The following RP1L1 variants were observed in gnomAD, a reference collection of about 807,000 sequenced individuals.
RP1L1 encodes the protein retinitis pigmentosa 1-like 1 protein.
RP1L1 carries 27 observed loss-of-function variants against 15.7 expected under a neutral mutation model. That is an observed-to-expected ratio of 1.72 (90% CI 1.27 to 2.38). RP1L1 has a LOEUF of 2.38. Ranked by LOEUF, RP1L1 falls within the 30% of genes most tolerant of loss-of-function variation. The pLI, the probability that RP1L1 is intolerant of heterozygous loss-of-function variation, is 0.00. For synonymous variants in RP1L1, 1,813 were observed against 1,276.7 expected, an observed-to-expected ratio of 1.42 and a Z score of -8.96; for missense variants, 4,798 against 3,075.9, an observed-to-expected ratio of 1.56 and a Z score of -13.24.
At position 10,609,242 on chromosome 8, in the gene RP1L1, AAGGCCGAGAGGTTTCGC is replaced by A. The variant is rs772506415; in HGVS notation, c.4839_4855del (p.Arg1614LeufsTer2). The A allele has an allele frequency of 1.9e-6, 3 of 1,609,152 alleles. No individual in the cohort carries two copies. The highest frequency in any genetic ancestry group is 1.3e-5 in the African/African-American group (1 of 74,896). On this transcript the variant is annotated frameshift_variant, in exon 4 of 4. Coordinates refer to ENST00000382483, the MANE Select transcript of RP1L1 (RefSeq NM_178857.6). LOFTEE classifies it low-confidence loss of function (END_TRUNC). Reference sequence around the variant, plus strand: ...CCCCAGGCCCAGGGTCCGCTCAGAGAAGGCCGAGAGGTTTCGCAGGCCCCGGAGACGGTGTCTGCGCT... The same window carrying A: ...CCCCAGGCCCAGGGTCCGCTCAGAGAAGGCCCCGGAGACGGTGTCTGCGCT...
At position 10,612,681 on chromosome 8, in the gene RP1L1, G is replaced by T. The variant is rs1201636110; in HGVS notation, c.1417C>A (p.Pro473Thr). 2 of 1,602,716 alleles carry T rather than the reference G, an allele frequency of 1.2e-6. No individual in the cohort carries two copies. Among genetic ancestry groups the T allele is most frequent in the Non-Finnish European group, 8.5e-7 (1 of 1,178,112 alleles). ...EGSEPESSCC[P>T]RTPEDGVDSA... ...TCCACCCCGTCCTCCGGGGTCCTGG[G>T]GCAGCAGGAGGACTCTGGCTCCGAG... The change falls in exon 4 of 4, where the codon CCC (proline) becomes ACC (threonine). Residue 473 changes from proline (P) to threonine (T), a missense_variant. Coordinates refer to ENST00000382483, the MANE Select transcript of RP1L1 (RefSeq NM_178857.6).
intron 1 of RP1L1, among the ~76,000 whole-genome samples, chr8:10,645,057 T>C (rs1021323955): frequency 4.6e-5 from 7 of 152,242 alleles, no homozygotes; most frequent in African/African-American, 1.7e-4. Flanking sequence ...TTGGGCATGG[T>C]GGCTCATGCC....
At chr8:10,645,158 C>A (rs1384128560) in intron 1 of RP1L1, among the ~76,000 whole-genome samples, 1 of 152,066 alleles carries the variant, frequency 6.6e-6, no homozygotes, top group Admixed American at 6.6e-5. Flanking sequence ...CAGATCCCAT[C>A]TCTACAAAAA....
At chr8:10,617,399 C>CAAAAAAAAAAAAAAAAAAAAAA (rs369885056) in intron 2 of RP1L1, among the ~76,000 whole-genome samples, 1 of 83,018 alleles carries the variant, frequency 1.2e-5, no homozygotes, top group East Asian at 3.9e-4. Context: ...TGCTCATTAA[C>CAAAAAAAAAAAAAAAAAAAAAA]AAAAAAAAAA....
At chr8:10,642,416 C>G (rs1357692686) in intron 1 of RP1L1, among the ~76,000 whole-genome samples, 1 of 152,154 alleles carries the variant, frequency 6.6e-6, no homozygotes, top group African/African-American at 2.4e-5. Context: ...TTGCTAAAAC[C>G]CTTCCCCCCT....
At chr8:10,627,245 G>T (rs963863080) in intron 1 of RP1L1, among the ~76,000 whole-genome samples, 1 of 152,140 alleles carries the variant, frequency 6.6e-6, no homozygotes, top group African/African-American at 2.4e-5. Context: ...ACATTCATCC[G>T]CGGATGAACA....
Position 10,610,601 on chromosome 8 carries a change from T to G in RP1L1, c.3497A>C (p.Asp1166Ala), listed in dbSNP as rs767559083. The change falls in exon 4 of 4, where the codon GAC (aspartate) becomes GCC (alanine). Residue 1166 changes from aspartate (D) to alanine (A), a missense_variant. Transcript: ENST00000382483. ...CTCCCAGAGGCCTGAGTCCAGCTGG[T>G]CTTCCCCAACGTCACATCCTGGCCA... ...DLWPGCDVGEDQLDSGLWELT... is the reference protein window; with the variant it reads ...DLWPGCDVGEAQLDSGLWELT... The G allele has an allele frequency of 4.3e-6, 7 of 1,613,416 alleles. No homozygotes were observed. In the East Asian group the frequency reaches 1.6e-4, roughly 36 times the overall value.
intron 1 of RP1L1, among the ~76,000 whole-genome samples, chr8:10,636,469 G>C (rs981180752): frequency 3.9e-5 from 6 of 152,202 alleles, no homozygotes; most frequent in African/African-American, 9.6e-5. Flanking sequence ...TGGGGCTGTA[G>C]TGGGATTGAC....
chr8:10,633,556 G>C (rs1432889646), intron 1 of RP1L1, among the ~76,000 whole-genome samples: 1 of 152,190 alleles, frequency 6.6e-6, no homozygotes, highest in Non-Finnish European at 1.5e-5. Context: ...CTATGTGCTA[G>C]GCGCAGGGGA....
chr8:10,607,194 T>C lies in RP1L1; in HGVS notation c.6904A>G (p.Arg2302Gly). 1 of 1,614,216 alleles carries C rather than the reference T, an allele frequency of 6.2e-7. No homozygotes were observed. Among genetic ancestry groups the C allele is most frequent in the Non-Finnish European group, 8.5e-7 (1 of 1,180,022 alleles). Residue 2302 changes from arginine to glycine, a missense_variant, in exon 4 of 4, where the codon AGA becomes GGA. Coordinates refer to ENST00000382483, the MANE Select transcript of RP1L1 (RefSeq NM_178857.6). ...CAGCAGTTGCCCCAAGAGGATGCTC[T>C]GGAGGAGGAAGGGCCTGTTTGGGAG... ...PGSQTGPSSS[R>G]ASSWGNCWQK...
chr8:10,628,020 C>G (rs1798184785), intron 1 of RP1L1, among the ~76,000 whole-genome samples: 2 of 152,208 alleles, frequency 1.3e-5, no homozygotes, highest in Admixed American at 6.5e-5. Context: ...CATTTATAAT[C>G]CAGGAAAGAA....
chr8:10,608,210 G>T lies in RP1L1; in HGVS notation c.5888C>A (p.Ser1963Tyr). The change falls in exon 4 of 4, where the codon TCC becomes TAC. Residue 1963 changes from serine to tyrosine, a missense_variant. Coordinates refer to ENST00000382483, the MANE Select transcript of RP1L1 (RefSeq NM_178857.6). ...CTGGGCTTCCTCTTCTGCCTCCTGG[G>T]ACTCTATAACTTCTGACTCTGGCTG... ...QTQPESEVIE[S>Y]QEAEEEAQPE... The T allele has an allele frequency of 6.3e-7, 1 of 1,577,400 alleles. No individual in the cohort carries two copies.
rs748287645 is a variant in RP1L1, at chr8:10,610,705, G to A, written c.3393C>T (p.Asp1131=). Residue 1131 remains aspartate, a synonymous_variant, in exon 4 of 4, where the codon GAC becomes GAT. Coordinates refer to ENST00000382483, the MANE Select transcript of RP1L1 (RefSeq NM_178857.6). The part of the protein sequence containing the change: ...CLASLQLFEE[D]LGSPASKVRF... ...TCACTTTGCTGGCAGGAGACCCAAG[G>A]TCTTCCTCAAATAACTGCAGACTGG... is the stretch of plus-strand genomic sequence containing the variant. The A allele has an allele frequency of 2.5e-6, 4 of 1,613,536 alleles. No homozygotes were observed. The highest frequency in any genetic ancestry group is 1.7e-5 in the Admixed American group (1 of 60,006).
chr8:10,612,183 T>TAA lies in RP1L1; in HGVS notation c.1914_1915insTT (p.Arg639LeufsTer45). 1 of 1,613,364 alleles carries TAA rather than the reference T, an allele frequency of 6.2e-7. No individual in the cohort carries two copies. Among genetic ancestry groups the TAA allele is most frequent in the South Asian group, 1.1e-5 (1 of 91,086 alleles). On this transcript the variant is annotated frameshift_variant, in exon 4 of 4. Transcript: ENST00000382483. LOFTEE classifies it low-confidence loss of function (END_TRUNC). ...GCACTGGCCCGGCTTCTGTGCCTTC[T>TAA]CTGCCCCTGCTGGGATGAAGTGCAG...
rs1249130340 is a variant in RP1L1 at position 10,612,431 on chromosome 8, G to C, written c.1667C>G (p.Pro556Arg). 2 of 1,612,646 alleles carry C rather than the reference G, an allele frequency of 1.2e-6. No individual in the cohort carries two copies. The highest frequency in any genetic ancestry group is 1.7e-5 in the Admixed American group (1 of 60,030). The change falls in exon 4 of 4, where the codon CCA becomes CGA. Residue 556 changes from proline to arginine, a missense_variant. Physicochemically the swap from Pro to Arg is moderately radical, Grantham distance 103. Coordinates refer to ENST00000382483, the MANE Select transcript of RP1L1 (RefSeq NM_178857.6). ...AGAGGTCTCGGCCCTTGCCTTGCCT[G>C]GACAGCCCTGGGGCCGCCCACCCCA... Reference protein sequence around the residue: ...SEWGGRPQGCPGKARAETSQQ... With the variant: ...SEWGGRPQGCRGKARAETSQQ...
chr8:10,611,786 C>G lies in RP1L1; in HGVS notation c.2312G>C (p.Cys771Ser). ...GTGGGGAGGTATGGGGGCCGGCGAG[C>G]ATGTCCTGGACCCCGCGTCCCCTGC... Reference protein sequence around the residue: ...GWAGDAGSRTCSPAPIPPHTS... With the variant: ...GWAGDAGSRTSSPAPIPPHTS... The change falls in exon 4 of 4, where the codon TGC becomes TCC. Residue 771 changes from cysteine to serine, a missense_variant. Physicochemically the swap from Cys to Ser is moderately radical, Grantham distance 112. Transcript: ENST00000382483. 1.2e-6 allele frequency: 2 copies of G among 1,613,642 alleles called. No homozygotes were observed. The highest frequency in any genetic ancestry group is 1.7e-6 in the Non-Finnish European group (2 of 1,180,018).
rs780011686 is a variant in RP1L1, at chr8:10,608,368, C to T, written c.5730G>A (p.Glu1910=). Residue 1910 remains glutamate, a synonymous_variant, in exon 4 of 4, where the codon GAG becomes GAA. Coordinates refer to ENST00000382483, the MANE Select transcript of RP1L1 (RefSeq NM_178857.6). ...QPESEGAEAP[E]AEKEAQPETE... ...TCTCTGGCTGGGCCTCCTTTTCTGC[C>T]TCCGGGGCTTCTGCACCTTCTGACT... is the stretch of plus-strand genomic sequence containing the variant. 8 of 1,613,092 alleles carry T rather than the reference C, an allele frequency of 5.0e-6. No homozygotes were observed. The African/African-American group carries it at 9.4e-5, about 19-fold the overall frequency.
chr8:10,649,958 C>G (rs538050976), intron 1 of RP1L1, among the ~76,000 whole-genome samples: 1 of 152,268 alleles, frequency 6.6e-6, no homozygotes, highest in South Asian at 2.1e-4. Context: ...TGGGCCTCTC[C>G]CAGCCACAGG....
rs1797863100 is a variant in RP1L1 at position 10,611,825 on chromosome 8, G to A, written c.2273C>T (p.Pro758Leu). ...CGCGTCCCCTGCCCACCCGGCAGAG[G>A]GAGCGTTGTGCGGGGAGACTCCAGA... ...FVSGVSPHNA[P>L]SAGWAGDAGS... The change falls in exon 4 of 4, where the codon CCC (proline) becomes CTC (leucine). Residue 758 changes from proline to leucine, a missense_variant. Transcript: ENST00000382483. 2 of 1,613,712 alleles carry A rather than the reference G, an allele frequency of 1.2e-6. No individual in the cohort carries two copies. The highest frequency in any genetic ancestry group is 1.3e-5 in the African/African-American group (1 of 75,070).
Sources: allele counts gnomAD v4.1 joint callset (sites outside exome capture counted in the v4.1 genomes callset), GRCh38; gene constraint gnomAD v4.1.1; transcripts MANE v1.5; gene names NCBI Gene and HGNC (gene_info 2026-07-23, HGNC 2026-07-21).